Variants in ESPN observed in about 807,000 individuals in gnomAD.
The protein encoded by ESPN is autosomal recessive deafness type 36 protein.
A neutral mutation model predicts 77.7 loss-of-function variants in ESPN; 68 were observed. That is an observed-to-expected ratio of 0.87 (90% confidence interval 0.72 to 1.07). ESPN has a LOEUF of 1.07. Among genes scored for constraint, ESPN ranks in the 50% least tolerant of loss-of-function variants. ESPN has a pLI of 0.00. For synonymous variants in ESPN, 449 were observed against 567.1 expected, an observed-to-expected ratio of 0.79 and a Z score of 2.96; for missense variants, 1,060 against 1,239.0, an observed-to-expected ratio of 0.86 and a Z score of 2.17.
chr1:6,444,002 C>G (rs965103048), intron 5 of ESPN, among the ~76,000 whole-genome samples: 1 of 152,220 alleles, frequency 6.6e-6, no homozygotes, highest in Non-Finnish European at 1.5e-5. Flanking sequence ...AGGCCCCACC[C>G]TTACCCCGAG....
At chr1:6,439,568 G>A (rs1209161551) in intron 2 of ESPN, among the ~76,000 whole-genome samples, 1 of 152,178 alleles carries the variant, frequency 6.6e-6, no homozygotes, top group African/African-American at 2.4e-5. Flanking sequence ...TGGGTACTGA[G>A]TCTTCAAGAG....
intron 5 of ESPN, among the ~76,000 whole-genome samples, chr1:6,441,753 C>T (rs113443417): frequency 0.029 from 4,360 of 152,260 alleles, 80 homozygotes; most frequent in Non-Finnish European, 0.043. Flanking sequence ...GAAAAGGATG[C>T]GGACCAACTC....
rs11121875 is a variant in ESPN, at chr1:6,444,125, G to A, written c.991-356G>A. Among the ~76,000 whole-genome samples the A allele has an allele frequency of 5.9e-5, 9 of 152,166 alleles. 1 individual carries two copies. Among genetic ancestry groups the A allele is most frequent in the East Asian group, 1.9e-4 (1 of 5,174 alleles). ...AACTAGGGATGGGCCTGTGCTGTGC[G>A]CCTCCCCATGGAGCCTCTGCCGATC... On this transcript the variant is annotated intron_variant, in intron 5 of 12. Transcript: ENST00000645284.
Position 6,448,935 on chromosome 1 carries a change from G to GCGGACC in ESPN, c.1761_1766dup (p.Asp588_Pro589dup). 7.2e-7 allele frequency: 1 copy of GCGGACC among 1,396,892 alleles called. No homozygotes were observed. Among genetic ancestry groups the GCGGACC allele is most frequent in the East Asian group, 3.2e-5 (1 of 31,600 alleles). 86.5% of individuals were successfully genotyped at this position (1,396,892 alleles called of 1,614,324 possible). On this transcript the variant is annotated inframe_insertion, in exon 8 of 13. Coordinates refer to ENST00000645284, the MANE Select transcript of ESPN (RefSeq NM_031475.3). ...GAACCATGTTCCTAACGGCTGCGCC[G>GCGGACC]CGGACCCCAAGGCGTCCAGGGAGCT... is the stretch of plus-strand genomic sequence containing the variant.
chr1:6,431,628 CAAAAAAAA>C (rs760363517), intron 2 of ESPN, among the ~76,000 whole-genome samples: 5,115 of 61,764 alleles, frequency 0.083, 117 homozygotes, highest in East Asian at 0.24. Flanking sequence ...AAGATTCTGT[CAAAAAAAA>C]AAAAAAAAAA....
rs1643878232 is a variant in ESPN at position 6,447,905 on chromosome 1, G to A, written c.1465-736G>A. 1 of 152,242 alleles carries A rather than the reference G, an allele frequency of 6.6e-6. No homozygotes were observed. The highest frequency in any genetic ancestry group is 2.4e-5 in the African/African-American group (1 of 41,454). The allele number at this position is 152,242 out of a possible 1,614,324, so 9.4% of individuals were successfully genotyped here. A position where few individuals can be genotyped will look rare whatever the true frequency, so the allele number is the denominator to read the frequency against. On this transcript the variant is annotated intron_variant, in intron 7 of 12. Transcript: ENST00000645284. The surrounding 1 kb of genome is among the most constrained non-coding windows in gnomAD (Gnocchi z 5.2). ...CGGGTGCAGAGCCGCGGCCAGGTGT[G>A]GCAAAGTAGTTGGCGCCCCCTGTGG...
At chr1:6,455,124 C>T (rs1238062552) in intron 10 of ESPN, 7 of 387,328 alleles carry the variant, frequency 1.8e-5, no homozygotes, top group Admixed American at 4.5e-5. Flanking sequence ...CGCCCACGGC[C>T]CGCTGGTCGA....
In ESPN at chr1:6,449,087, C is replaced by G; in HGVS notation, c.1911C>G (p.Thr637=). The stretch of plus-strand genomic sequence containing the variant: ...GGCAGCGCCGCTCCTCCTCGTCCAC[C>G]GGCAGTGAGTAGGGGCAGGTTGAGG... ...GCGQRRSSSS[T]GSTKSFNMMS... Residue 637 remains threonine (T), a synonymous_variant, in exon 8 of 13, where the codon ACC becomes ACG. Transcript: ENST00000645284. 5 of 1,484,588 alleles carry G rather than the reference C, an allele frequency of 3.4e-6. No homozygotes were observed. Among genetic ancestry groups the G allele is most frequent in the Admixed American group, 2.2e-5 (1 of 44,918 alleles). The allele number at this position is 1,484,588 out of a possible 1,614,324, so 92.0% of individuals were successfully genotyped here. A position where few individuals can be genotyped will look rare whatever the true frequency, so the allele number is the denominator to read the frequency against.
At chr1:6,443,151 G>C (rs1379544123) in intron 5 of ESPN, 1 of 147,098 alleles carries the variant, frequency 6.8e-6, no homozygotes, top group African/African-American at 2.6e-5. Flanking sequence ...CAGCCTGGGC[G>C]ACAAGAATGA....
chr1:6,427,765 G>C lies in ESPN; in HGVS notation c.295-461G>C, dbSNP rs1301514871. On this transcript the variant is annotated intron_variant, in intron 1 of 12. Transcript: ENST00000645284. This position sits in a 1 kb window ranked among gnomAD's most constrained non-coding sequence, Gnocchi z 4.6. ...CGGGGGCAAGTGTTGGATGCAGGGG[G>C]TGACCCCCAATCCTGATGCTAGCTT... 1.3e-5 allele frequency among the ~76,000 whole-genome samples: 2 copies of C among 152,182 alleles called. No individual in the cohort carries two copies. Among genetic ancestry groups the C allele is most frequent in the Non-Finnish European group, 2.9e-5 (2 of 68,026 alleles).
At position 6,428,347 on chromosome 1, in the gene ESPN, C is replaced by A; in HGVS notation, c.416C>A (p.Ala139Asp). ...CCCACCGCGGCCACAGACATGGGCG[C>A]CCTGCCTATCCACTACGCTGCCGCC... ...GDPTAATDMGALPIHYAAAKG... is the reference protein window; with the variant it reads ...GDPTAATDMGDLPIHYAAAKG... Residue 139 changes from alanine to aspartate, a missense_variant, in exon 2 of 13, where the codon GCC (alanine) becomes GAC (aspartate). Transcript: ENST00000645284. The surrounding 1 kb of genome is among the most constrained non-coding windows in gnomAD (Gnocchi z 5.4). 1 of 1,612,930 alleles carries A rather than the reference C, an allele frequency of 6.2e-7. No homozygotes were observed. The highest frequency in any genetic ancestry group is 8.5e-7 in the Non-Finnish European group (1 of 1,179,960).
chr1:6,426,529 GA>G (rs1304566424), intron 1 of ESPN, among the ~76,000 whole-genome samples: 1 of 152,194 alleles, frequency 6.6e-6, no homozygotes, highest in African/African-American at 2.4e-5. Context: ...AGCCCAGAGA[GA>G]TAAGCTGCTT....
chr1:6,457,095 G>A, intron 10 of ESPN, 89 bp from the exon 11 acceptor site: 2 of 1,271,782 alleles, frequency 1.6e-6, no homozygotes, highest in Non-Finnish European at 2.2e-6. Flanking sequence ...ATGTCTTCCT[G>A]TGACCCTGAC....
chr1:6,457,016 G>A (rs1479597083), intron 10 of ESPN, among the ~76,000 whole-genome samples, 168 bp from the exon 11 acceptor site: 2 of 152,262 alleles, frequency 1.3e-5, no homozygotes, highest in Non-Finnish European at 2.9e-5. Flanking sequence ...CTAGGGGAAA[G>A]GAGGCCAGCT....
In ESPN at chr1:6,450,604, G is replaced by A. The variant is rs555191665; in HGVS notation, c.1916-999G>A. 3.2e-4 allele frequency: 87 copies of A among 269,788 alleles called. 1 individual carries two copies. The highest frequency in any genetic ancestry group is 7.8e-4 in the Admixed American group (12 of 15,416). 16.7% of individuals were successfully genotyped at this position (269,788 alleles called of 1,614,324 possible). On this transcript the variant is annotated intron_variant, in intron 8 of 12. Coordinates refer to ENST00000645284, the MANE Select transcript of ESPN (RefSeq NM_031475.3). This position sits in a 1 kb window ranked among gnomAD's most constrained non-coding sequence, Gnocchi z 4.3. ...AGGGGCTGGCAGGCGAGAGAACCTCGAAGAATGGGTGGGGCCTTGCACCTC... is the reference window on the plus strand; with the variant it reads ...AGGGGCTGGCAGGCGAGAGAACCTCAAAGAATGGGTGGGGCCTTGCACCTC...
intron 5 of ESPN, among the ~76,000 whole-genome samples, chr1:6,444,146 C>T (rs1179160722): frequency 2.0e-5 from 3 of 152,282 alleles, no homozygotes; most frequent in African/African-American, 4.8e-5. Context: ...GAGCCTCTGC[C>T]GATCCGTGAG....
intron 7 of ESPN, among the ~76,000 whole-genome samples, chr1:6,446,642 G>A (rs1252624909): frequency 6.6e-6 from 1 of 152,156 alleles, no homozygotes; most frequent in Admixed American, 6.5e-5. Flanking sequence ...CAGAGGTCTG[G>A]TCTGAGCAAT....
intron 10 of ESPN, chr1:6,454,978 A>C: frequency 2.6e-6 from 1 of 379,240 alleles, no homozygotes; most frequent in Non-Finnish European, 4.7e-6. Flanking sequence ...GCCACCTACG[A>C]GCTGCGCGCA....
chr1:6,442,570 CT>C (rs1643676821), intron 5 of ESPN, among the ~76,000 whole-genome samples: 1 of 110,056 alleles, frequency 9.1e-6, no homozygotes. Flanking sequence ...AAGACTCCTT[CT>C]AAAAAAAAAA....
Sources: gnomAD v4.1 joint callset for allele counts (sites outside exome capture counted in the v4.1 genomes callset) on GRCh38, gnomAD v4.1.1 for gene constraint, Gnocchi (gnomAD v3.1) non-coding constraint, MANE v1.5 for transcripts, NCBI Gene and HGNC (gene_info 2026-07-23, HGNC 2026-07-21) for gene names.